Variants in VWA3B observed in about 807,000 individuals in gnomAD.
VWA3B encodes von Willebrand factor A domain containing 3B, also known as von Willebrand factor A domain-containing protein 3B.
A neutral mutation model predicts 158.3 loss-of-function variants in VWA3B; 138 were observed. That is an observed-to-expected ratio of 0.87 (90% CI 0.76 to 1.00). The LOEUF is 1.00. Among genes scored for constraint, VWA3B ranks in the 50% least tolerant of loss-of-function variants. The probability of loss-of-function intolerance (pLI) is 0.00; values close to 1 mark genes in which losing one functional copy is unlikely to be tolerated. For missense variants in VWA3B, 1,555 were observed against 1,565.1 expected (o/e 0.99, Z 0.11); for synonymous variants, 596 against 587.3 (o/e 1.01, Z -0.21).
chr2:98,133,493 AT>A (rs761601376), intron 6 of VWA3B, among the ~76,000 whole-genome samples: 3 of 152,228 alleles, frequency 2.0e-5, no homozygotes, highest in Non-Finnish European at 4.4e-5. Flanking sequence ...CTGTGTTGAC[AT>A]GACGGAACCC....
chr2:98,138,364 C>T (rs1260037089), intron 7 of VWA3B, among the ~76,000 whole-genome samples: 1 of 152,190 alleles, frequency 6.6e-6, no homozygotes, highest in African/African-American at 2.4e-5. Flanking sequence ...TGGGAAGGTC[C>T]AGAAACCAGA....
chr2:98,149,953 G>A (rs973251550), intron 7 of VWA3B, among the ~76,000 whole-genome samples: 2 of 152,208 alleles, frequency 1.3e-5, no homozygotes, highest in African/African-American at 2.4e-5. Context: ...ATACTCATTG[G>A]TAAGTAGATA....
intron 19 of VWA3B, among the ~76,000 whole-genome samples, chr2:98,244,392 T>G (rs1686261840): frequency 6.6e-6 from 1 of 151,634 alleles, no homozygotes; most frequent in Admixed American, 6.6e-5. Context: ...TTTCAATTCT[T>G]TTATCATTTG....
Position 98,211,959 on chromosome 2 carries a change from C to T in VWA3B, c.1767C>T (p.Ala589=), listed in dbSNP as rs758185530. The T allele has an allele frequency of 6.2e-7, 1 of 1,614,094 alleles. No individual in the cohort carries two copies. The highest frequency in any genetic ancestry group is 1.1e-5 in the South Asian group (1 of 91,074). ...KIGSSTNTLS[A]LKTAFADKET... Reference sequence around the variant, plus strand: ...GAAGCTCCACAAACACCCTGAGTGCCCTGAAAACTGCTTTTGCTGATAAAG... The same window carrying T: ...GAAGCTCCACAAACACCCTGAGTGCTCTGAAAACTGCTTTTGCTGATAAAG... Residue 589 remains alanine (A), a synonymous_variant, in exon 13 of 28, where the codon GCC becomes GCT. Transcript: ENST00000477737.
chr2:98,199,119 A>G (rs1274212102), intron 12 of VWA3B, among the ~76,000 whole-genome samples: 2 of 152,148 alleles, frequency 1.3e-5, no homozygotes, highest in African/African-American at 4.8e-5. Flanking sequence ...TCTGGATATA[A>G]GAACTTTGTC....
chr2:98,154,158 A>C (rs151054885), intron 7 of VWA3B, among the ~76,000 whole-genome samples: 37 of 152,286 alleles, frequency 2.4e-4, no homozygotes, highest in African/African-American at 7.9e-4. Flanking sequence ...CACCGCGCCC[A>C]GCAGGATTTC....
At chr2:98,111,475 C>T (rs72817745) in intron 2 of VWA3B, among the ~76,000 whole-genome samples, 4,520 of 152,180 alleles carry the variant, frequency 0.03, 116 homozygotes, top group Middle Eastern at 0.058. Flanking sequence ...AAATCTCCAT[C>T]CTGTTTTCCA....
chr2:98,269,014 G>A (rs1432151011), intron 21 of VWA3B, among the ~76,000 whole-genome samples: 1 of 152,072 alleles, frequency 6.6e-6, no homozygotes, highest in African/African-American at 2.4e-5. Flanking sequence ...GGGGGCAAAT[G>A]ACCAGGACTG....
chr2:98,208,498 A>G (rs1558676117), intron 12 of VWA3B, among the ~76,000 whole-genome samples: 1 of 151,710 alleles, frequency 6.6e-6, no homozygotes, highest in Non-Finnish European at 1.5e-5. Context: ...ATTTTGATTT[A>G]TTTACACTGT....
At chr2:98,247,679 GT>G (rs1159549937) in intron 19 of VWA3B, among the ~76,000 whole-genome samples, 3 of 151,994 alleles carry the variant, frequency 2.0e-5, no homozygotes, top group Non-Finnish European at 2.9e-5. Flanking sequence ...AGTCTGTTTT[GT>G]TTGAGTTGCT....
chr2:98,324,241 C>T, the VWA3B span, among the ~76,000 whole-genome samples: 1 of 152,040 alleles, frequency 6.6e-6, no homozygotes, highest in African/African-American at 2.4e-5. Context: ...TAGCTCACTG[C>T]AATCTCTGCC....
chr2:98,141,174 G>T (rs1676752642), intron 7 of VWA3B, among the ~76,000 whole-genome samples: 1 of 152,084 alleles, frequency 6.6e-6, no homozygotes, highest in Non-Finnish European at 1.5e-5. Context: ...AGACCTTTTT[G>T]CTTCAGAATC....
intron 7 of VWA3B, among the ~76,000 whole-genome samples, chr2:98,150,723 A>G (rs1056748513): frequency 1.3e-5 from 2 of 152,234 alleles, no homozygotes; most frequent in African/African-American, 2.4e-5. Context: ...GTTTCCCCAC[A>G]TTAGTCTGGA....
chr2:98,138,287 G>A (rs1676446486), intron 7 of VWA3B, among the ~76,000 whole-genome samples: 1 of 152,114 alleles, frequency 6.6e-6, no homozygotes, highest in Non-Finnish European at 1.5e-5. Flanking sequence ...GCCCTTTTAG[G>A]CTGCTTGTTG....
intron 7 of VWA3B, among the ~76,000 whole-genome samples, chr2:98,144,185 A>T (rs1676997636): frequency 6.6e-6 from 1 of 152,198 alleles, no homozygotes. Context: ...ATGCATGGTT[A>T]TATGTGTATA....
intron 19 of VWA3B, among the ~76,000 whole-genome samples, chr2:98,238,544 C>T (rs4608582): frequency 0.028 from 4,203 of 151,852 alleles, 162 homozygotes; most frequent in African/African-American, 0.09. Context: ...CTAAATGTCC[C>T]AACAACTTGA....
chr2:98,248,613 G>A (rs1336825956), intron 19 of VWA3B, among the ~76,000 whole-genome samples: 1 of 152,112 alleles, frequency 6.6e-6, no homozygotes, highest in East Asian at 1.9e-4. Context: ...GTCAGGCATT[G>A]AGCCTGACAT....
At chr2:98,328,953 A>T in the VWA3B span, among the ~76,000 whole-genome samples, 34 of 152,350 alleles carry the variant, frequency 2.2e-4, no homozygotes, top group Non-Finnish European at 4.3e-4. Flanking sequence ...AGCTACATTA[A>T]ACAATAAGGT....
At chr2:98,101,988 G>T (rs1235752423) in intron 2 of VWA3B, among the ~76,000 whole-genome samples, 4 of 152,130 alleles carry the variant, frequency 2.6e-5, no homozygotes, top group Admixed American at 2.0e-4. Context: ...GTGAACAAAG[G>T]TCTCTGGTTT....
Sources: allele counts gnomAD v4.1 joint callset (sites outside exome capture counted in the v4.1 genomes callset), GRCh38; gene constraint gnomAD v4.1.1; transcripts MANE v1.5; gene names NCBI Gene and HGNC (gene_info 2026-07-23, HGNC 2026-07-21).